Variants in MCTP2 observed in about 807,000 individuals in gnomAD.
MCTP2 encodes the protein multiple C2 and transmembrane domain-containing protein 2.
MCTP2 carries 132 observed loss-of-function variants against 111.6 expected under a neutral mutation model. That is an observed-to-expected ratio of 1.18 (90% CI 1.03 to 1.37). The LOEUF (loss-of-function observed/expected upper bound fraction) is 1.37. Among genes scored for constraint, MCTP2 ranks in the 40% most tolerant of loss-of-function variants. The pLI is 0.00. For synonymous variants in MCTP2, 395 were observed against 387.7 expected (o/e 1.02, Z -0.22); for missense variants, 1,183 against 1,067.9 (o/e 1.11, Z -1.50).
At chr15:94,267,942 T>C (rs1388124426) in intron 1 of MCTP2, among the ~76,000 whole-genome samples, 2 of 142,220 alleles carry the variant, frequency 1.4e-5, no homozygotes, top group Non-Finnish European at 3.0e-5. Context: ...CTTGGCTCAC[T>C]GCAAGCTCTG....
At chr15:94,370,750 A>G (rs556739138) in intron 12 of MCTP2, among the ~76,000 whole-genome samples, 1 of 152,164 alleles carries the variant, frequency 6.6e-6, no homozygotes, top group Non-Finnish European at 1.5e-5. Flanking sequence ...GCTCTGCTGC[A>G]CGTAGAGTAA....
chr15:94,417,507 G>A lies in MCTP2; in HGVS notation c.2085+15488G>A, dbSNP rs530928533. ...CAAAAGATTGTTTGAGTGAGTACAC[G>A]TACGTGTGTGTGTGCGCACATGTTT... On this transcript the variant is annotated intron_variant, in intron 17 of 22. Coordinates refer to ENST00000357742, the MANE Select transcript of MCTP2 (RefSeq NM_001385001.1). Among the ~76,000 whole-genome samples the A allele has an allele frequency of 7.2e-5, 11 of 152,122 alleles. No individual in the cohort carries two copies. The South Asian group carries it at 1.7e-3, about 23-fold the overall frequency.
At position 94,309,275 on chromosome 15, in the gene MCTP2, T is replaced by G. The variant is rs141880632; in HGVS notation, c.466-5007T>G. ...TCCTTTGTCCTCTATGTATTTGTGT[T>G]TGTGACTCCTGTATTCTTAAATATA... On this transcript the variant is annotated intron_variant, in intron 2 of 22. Transcript: ENST00000357742. 4.0e-5 allele frequency among the ~76,000 whole-genome samples: 6 copies of G among 151,170 alleles called. No individual in the cohort carries two copies. In the East Asian group the frequency reaches 9.6e-4, roughly 24 times the overall value.
chr15:94,362,764 T>C (rs886531934), intron 10 of MCTP2, among the ~76,000 whole-genome samples: 10 of 152,206 alleles, frequency 6.6e-5, no homozygotes, highest in Non-Finnish European at 1.5e-4. Flanking sequence ...TTAAAAGCTA[T>C]CATGGCAAGT....
At chr15:94,345,260 A>T in intron 8 of MCTP2, 96 bp downstream of exon 8, 1 of 1,185,286 alleles carries the variant, frequency 8.4e-7, no homozygotes, top group South Asian at 1.3e-5. Context: ...CCCAATCTTT[A>T]CATCAAACAG....
At chr15:94,468,467 A>G (rs1438240466) in intron 20 of MCTP2, among the ~76,000 whole-genome samples, 7 of 151,976 alleles carry the variant, frequency 4.6e-5, no homozygotes, top group African/African-American at 1.5e-4. Flanking sequence ...ACGTTCCTAA[A>G]TAATAGCCCC....
intron 2 of MCTP2, among the ~76,000 whole-genome samples, chr15:94,307,391 AG>A (rs2075934195): frequency 6.6e-6 from 1 of 152,094 alleles, no homozygotes; most frequent in Non-Finnish European, 1.5e-5. Flanking sequence ...GCTAGAGAAA[AG>A]CCTTCCAGAA....
At chr15:94,412,509 C>G (rs185828978) in intron 17 of MCTP2, among the ~76,000 whole-genome samples, 2 of 151,952 alleles carry the variant, frequency 1.3e-5, no homozygotes, top group African/African-American at 2.4e-5. Flanking sequence ...AAGATGATAA[C>G]GATGATCACA....
intron 19 of MCTP2, among the ~76,000 whole-genome samples, chr15:94,449,784 C>A (rs571383712): frequency 1.1e-4 from 17 of 152,306 alleles, no homozygotes; most frequent in Admixed American, 4.6e-4. Context: ...CTTATACCCA[C>A]TCCTTTATTG....
rs1249389154 is a variant in MCTP2 at position 94,482,175 on chromosome 15, A to G, written c.*3141A>G. ...CTACATTCCCTTGGTAAAGCCAGAC[A>G]TTAAACAGATACTTTCAAGCAACAG... On this transcript the variant is annotated 3_prime_UTR_variant, in exon 23 of 23. Transcript: ENST00000357742. 1 of 152,238 alleles carries G rather than the reference A, an allele frequency of 6.6e-6. No individual in the cohort carries two copies. Among genetic ancestry groups the G allele is most frequent in the East Asian group, 1.9e-4 (1 of 5,206 alleles). The allele number at this position is 152,238 out of a possible 1,614,324, so 9.4% of individuals were successfully genotyped here.
At chr15:94,264,954 A>G (rs146802722) in intron 1 of MCTP2, among the ~76,000 whole-genome samples, 170 of 152,304 alleles carry the variant, frequency 1.1e-3, no homozygotes, top group African/African-American at 3.8e-3. Flanking sequence ...TATCTTTTAA[A>G]TAAAGGATTT....
At chr15:94,323,998 A>G (rs2076738847) in intron 4 of MCTP2, among the ~76,000 whole-genome samples, 1 of 152,194 alleles carries the variant, frequency 6.6e-6, no homozygotes, top group African/African-American at 2.4e-5. Context: ...CACTTGTTTT[A>G]AGTTCTCGAT....
intron 1 of MCTP2, among the ~76,000 whole-genome samples, chr15:94,293,148 C>A (rs756011200): frequency 6.6e-6 from 1 of 151,974 alleles, no homozygotes; most frequent in African/African-American, 2.4e-5. Flanking sequence ...TGGGATTAGA[C>A]AAGGAGTTCT....
chr15:94,297,569 A>C lies in MCTP2; in HGVS notation c.-65-632A>C, dbSNP rs2075332187. On this transcript the variant is annotated intron_variant, in intron 1 of 22. Transcript: ENST00000357742. The stretch of plus-strand genomic sequence containing the variant: ...CATGTTTTTGTTCTTGAAAACGTAC[A>C]CTTAATTCTGGGAAGGAAGTTGACA... Among the ~76,000 whole-genome samples, 10 of 152,218 alleles carry C rather than the reference A, an allele frequency of 6.6e-5. No individual in the cohort carries two copies. The South Asian group carries it at 2.1e-3, about 32-fold the overall frequency.
chr15:94,441,308 G>A (rs1468853022), intron 18 of MCTP2, among the ~76,000 whole-genome samples: 1 of 152,174 alleles, frequency 6.6e-6, no homozygotes, highest in Non-Finnish European at 1.5e-5. Flanking sequence ...CAATAGGCAT[G>A]AACACATATC....
Position 94,474,475 on chromosome 15 carries a change from T to G in MCTP2, c.2471-2221T>G, listed in dbSNP as rs538558803. ...TGTGAGGTACAGGAAGGTTACGTGA[T>G]TTTTCTAAAATCACACAGCTAATAC... On this transcript the variant is annotated intron_variant, in intron 21 of 22. Coordinates refer to ENST00000357742, the MANE Select transcript of MCTP2 (RefSeq NM_001385001.1). Among the ~76,000 whole-genome samples, 4 of 152,318 alleles carry G rather than the reference T, an allele frequency of 2.6e-5. No homozygotes were observed. The South Asian group carries it at 6.2e-4, about 24-fold the overall frequency.
At chr15:94,392,688 C>T (rs758806850) in intron 14 of MCTP2, among the ~76,000 whole-genome samples, 5 of 150,298 alleles carry the variant, frequency 3.3e-5, no homozygotes, top group Non-Finnish European at 5.9e-5. Flanking sequence ...TGGTGGCATG[C>T]GCCTGTAATC....
intron 1 of MCTP2, among the ~76,000 whole-genome samples, chr15:94,281,770 A>T (rs1320148664): frequency 6.6e-6 from 1 of 152,072 alleles, no homozygotes; most frequent in Admixed American, 6.5e-5. Context: ...ATATTCCCCT[A>T]GCATTTCTTG....
chr15:94,358,014 G>C (rs542573655), intron 9 of MCTP2, among the ~76,000 whole-genome samples: 173 of 152,202 alleles, frequency 1.1e-3, no homozygotes, highest in African/African-American at 4.0e-3. Flanking sequence ...ACAAGTCGTG[G>C]GTTTCTCATT....
Sources: gnomAD v4.1 joint callset for allele counts (sites outside exome capture counted in the v4.1 genomes callset) on GRCh38, gnomAD v4.1.1 for gene constraint, MANE v1.5 for transcripts, NCBI Gene and HGNC (gene_info 2026-07-23, HGNC 2026-07-21) for gene names.